Variants in NLGN4Y observed in about 807,000 individuals in gnomAD.
NLGN4Y encodes neuroligin 4 Y-linked.
NLGN4Y carries 4 observed loss-of-function variants against 8.4 expected under a neutral mutation model. The ratio of observed to expected loss-of-function variants is 0.48; its 90% CI spans 0.23 to 1.09. The LOEUF (loss-of-function observed/expected upper bound fraction) is 1.09, where lower values mean the gene tolerates loss of function less well. Ranked by LOEUF, NLGN4Y falls within the 50% of genes least tolerant of loss-of-function variation. The probability of loss-of-function intolerance (pLI) is 0.19; values close to 1 mark genes in which losing one functional copy is unlikely to be tolerated. For missense variants in NLGN4Y, 90 were observed against 192.3 expected, an observed-to-expected ratio of 0.47 and a Z score of 3.15; for synonymous variants, 35 against 75.6, an observed-to-expected ratio of 0.46 and a Z score of 2.78.
intron 2 of NLGN4Y, among the ~76,000 whole-genome samples, chrY:14,662,438 G>C: frequency 6.0e-5 from 2 of 33,377 alleles, no homozygotes; most frequent in Non-Finnish European, 1.5e-4. Flanking sequence ...TGTCATGTAA[G>C]TGAGCAAGAC....
At chrY:14,655,543 G>C in intron 2 of NLGN4Y, among the ~76,000 whole-genome samples, 2 of 32,151 alleles carry the variant, frequency 6.2e-5, no homozygotes, top group Admixed American at 5.8e-4. Context: ...CCTGTTCTTT[G>C]TGCTCTCCAC....
intron 4 of NLGN4Y, among the ~76,000 whole-genome samples, chrY:14,750,273 T>A: frequency 3.1e-5 from 1 of 32,556 alleles, no homozygotes; most frequent in Non-Finnish European, 7.5e-5. Flanking sequence ...ACTCCTGGGC[T>A]CAAACGATCC....
chrY:14,570,300 A>G, intron 1 of NLGN4Y, among the ~76,000 whole-genome samples: 1 of 33,621 alleles, frequency 3.0e-5, no homozygotes, highest in Non-Finnish European at 7.4e-5. Context: ...TCTGGTTTGT[A>G]TGACCTGCCT....
intron 4 of NLGN4Y, among the ~76,000 whole-genome samples, chrY:14,794,609 A>G: frequency 3.0e-5 from 1 of 33,392 alleles, no homozygotes. Flanking sequence ...GCCTTATGTA[A>G]ACAGTTCAAC....
At chrY:14,751,562 TTG>T (rs2081041211) in intron 4 of NLGN4Y, 1 of 33,310 alleles carries the variant, frequency 3.0e-5, no homozygotes, top group South Asian at 6.6e-4. Context: ...TTCTATTAGA[TTG>T]TGTGTCTTCT....
intron 4 of NLGN4Y, among the ~76,000 whole-genome samples, chrY:14,792,840 A>AAGAG (rs2042990758): frequency 2.2e-4 from 2 of 8,996 alleles, no homozygotes; most frequent in African/African-American, 9.1e-4. Flanking sequence ...CTACATGTAG[A>AAGAG]AGAGAGAGAG....
chrY:14,531,601 TAA>T (rs2080115239), intron 1 of NLGN4Y, among the ~76,000 whole-genome samples: 1 of 30,946 alleles, frequency 3.2e-5, no homozygotes, highest in Non-Finnish European at 7.7e-5. Flanking sequence ...GCATATACAA[TAA>T]GTCATAAATA....
chrY:14,770,470 T>C (rs2081104302), intron 4 of NLGN4Y, among the ~76,000 whole-genome samples: 1 of 32,885 alleles, frequency 3.0e-5, no homozygotes, highest in African/African-American at 1.2e-4. Context: ...ACATGACTGG[T>C]AGAAGAAAAC....
At chrY:14,597,235 G>A in intron 1 of NLGN4Y, among the ~76,000 whole-genome samples, 4 of 32,775 alleles carry the variant, frequency 1.2e-4, no homozygotes, top group Non-Finnish European at 1.5e-4. Context: ...TCTTCTTCAC[G>A]GTGAGTGTTA....
At chrY:14,811,093 T>C (rs2043077973) in intron 4 of NLGN4Y, among the ~76,000 whole-genome samples, 1 of 33,648 alleles carries the variant, frequency 3.0e-5, no homozygotes, top group African/African-American at 1.2e-4. Flanking sequence ...TTCCCTCCCA[T>C]CCAGCACACT....
chrY:14,834,944 G>C, intron 6 of NLGN4Y, among the ~76,000 whole-genome samples: 5 of 33,825 alleles, frequency 1.5e-4, no homozygotes, highest in African/African-American at 5.8e-4. Context: ...GAGGTGACAA[G>C]AGGAAACAAG....
intron 2 of NLGN4Y, among the ~76,000 whole-genome samples, chrY:14,709,035 C>T (rs1053146514): frequency 3.0e-5 from 1 of 33,080 alleles, no homozygotes; most frequent in Admixed American, 2.8e-4. Context: ...GTCAGAGTTG[C>T]ATGTAGATAT....
intron 2 of NLGN4Y, among the ~76,000 whole-genome samples, chrY:14,633,649 A>G: frequency 2.9e-5 from 1 of 33,923 alleles, no homozygotes; most frequent in Non-Finnish European, 7.3e-5. Context: ...TTAAACTTTT[A>G]AATATTTAGT....
In NLGN4Y at chrY:14,830,224, C is replaced by T. The variant is rs777972303; in HGVS notation, c.1366C>T (p.Arg456Trp). Residue 456 changes from arginine (R) to tryptophan (W), a missense_variant, in exon 6 of 7, where the codon CGG (arginine) becomes TGG (tryptophan). Physicochemically the swap from Arg to Trp is moderately radical, Grantham distance 101. Around this residue, in one of 4 missense-constraint regions of NLGN4Y, gnomAD observed 37 missense variants for 94.0 expected, o/e 0.39. Coordinates refer to ENST00000684976, the MANE Select transcript of NLGN4Y (RefSeq NM_001365588.1). The part of the protein sequence containing the change: ...DWADKENPET[R>W]RKTLVALFTD... ...GGCCGATAAGGAAAACCCGGAGACG[C>T]GGCGGAAAACCCTGGTGGCTCTCTT... 1 of 398,797 alleles carries T rather than the reference C, an allele frequency of 2.5e-6. No individual in the cohort carries two copies. The highest frequency in any genetic ancestry group is 3.5e-6 in the Non-Finnish European group (1 of 283,607).
intron 1 of NLGN4Y, among the ~76,000 whole-genome samples, chrY:14,598,293 T>G: frequency 3.0e-5 from 1 of 33,471 alleles, no homozygotes; most frequent in Non-Finnish European, 7.5e-5. Context: ...GCCCATGGAG[T>G]GGGTGGGAGG....
At chrY:14,656,071 T>C (rs1043577863) in intron 2 of NLGN4Y, among the ~76,000 whole-genome samples, 3 of 33,868 alleles carry the variant, frequency 8.9e-5, no homozygotes, top group Admixed American at 2.7e-4. Flanking sequence ...TTTTGTCTTA[T>C]AAACAACAAC....
intron 1 of NLGN4Y, among the ~76,000 whole-genome samples, chrY:14,540,134 CG>C (rs2080145341): frequency 1.0e-3 from 1 of 963 alleles, no homozygotes. Flanking sequence ...GGTGGGGGGG[CG>C]GGGGGGGCAC....
At chrY:14,645,598 C>T in intron 2 of NLGN4Y, among the ~76,000 whole-genome samples, 1 of 33,229 alleles carries the variant, frequency 3.0e-5, no homozygotes, top group Non-Finnish European at 7.4e-5. Context: ...AGATAACTTC[C>T]TGAAGTGACC....
At chrY:14,526,400 TAC>T (rs2080093849) in intron 1 of NLGN4Y, among the ~76,000 whole-genome samples, 1 of 33,371 alleles carries the variant, frequency 3.0e-5, no homozygotes, top group Non-Finnish European at 7.4e-5. Context: ...GAATGCATTC[TAC>T]ACACACATGC....
Sources: allele counts gnomAD v4.1 joint callset (sites outside exome capture counted in the v4.1 genomes callset), GRCh38; gene constraint gnomAD v4.1.1; regional missense constraint gnomAD v4.1.1; transcripts MANE v1.5; gene names NCBI Gene and HGNC (gene_info 2026-07-23, HGNC 2026-07-21).